Variants in DLGAP2 observed in about 807,000 individuals in gnomAD.
The protein encoded by DLGAP2 is disks large-associated protein 2.
A neutral mutation model predicts 100.3 loss-of-function variants in DLGAP2; 26 were observed. The ratio of observed to expected loss-of-function variants is 0.26; its 90% CI spans 0.19 to 0.36. The LOEUF is 0.36. Among genes scored for constraint, DLGAP2 ranks in the 10% least tolerant of loss-of-function variants. DLGAP2 has a pLI of 1.00. For synonymous variants in DLGAP2, 886 were observed against 630.1 expected (o/e 1.41, Z -6.08); for missense variants, 1,858 against 1,453.2 (o/e 1.28, Z -4.53).
At chr8:984,872 T>G (rs970656606) in intron 2 of DLGAP2, among the ~76,000 whole-genome samples, 1 of 152,208 alleles carries the variant, frequency 6.6e-6, no homozygotes, top group African/African-American at 2.4e-5. Flanking sequence ...ACCTGAATTT[T>G]TCTTTGTCTG....
At chr8:1,121,750 T>A (rs1323890076) in intron 2 of DLGAP2, among the ~76,000 whole-genome samples, 1 of 151,540 alleles carries the variant, frequency 6.6e-6, no homozygotes, top group Non-Finnish European at 1.5e-5. Flanking sequence ...CCCGTCTTCA[T>A]CTTTCCTGAA....
rs544607000 is a variant in DLGAP2, at chr8:1,318,602, C to T, written c.106+59719C>T. Among the ~76,000 whole-genome samples the T allele has an allele frequency of 1.7e-3, 260 of 151,730 alleles. 1 individual carries two copies. Among genetic ancestry groups the T allele is most frequent in the African/African-American group, 6.0e-3 (248 of 41,322 alleles). ...TATCACCTAGGGGAACAGATTCCCC[C>T]GCCGATGTCGAAAGGCAGTTCTCTC... is the stretch of plus-strand genomic sequence containing the variant. On this transcript the variant is annotated intron_variant, in intron 3 of 14. Coordinates refer to ENST00000637795, the MANE Select transcript of DLGAP2 (RefSeq NM_001346810.2).
chr8:1,569,219 A>C (rs1257987908), intron 6 of DLGAP2, among the ~76,000 whole-genome samples: 1 of 152,268 alleles, frequency 6.6e-6, no homozygotes, highest in African/African-American at 2.4e-5. Context: ...CACTTAGCAG[A>C]GATGGTGCAA....
chr8:823,747 G>C (rs1337068401), intron 1 of DLGAP2, among the ~76,000 whole-genome samples: 1 of 152,114 alleles, frequency 6.6e-6, no homozygotes, highest in Admixed American at 6.5e-5. Context: ...TGCACTTTGG[G>C]AAGTGGTCAT....
intron 2 of DLGAP2, among the ~76,000 whole-genome samples, chr8:1,228,778 C>G (rs1265315437): frequency 6.6e-6 from 1 of 152,112 alleles, no homozygotes; most frequent in Non-Finnish European, 1.5e-5. Flanking sequence ...AAGAGAAATC[C>G]TCCATCTTAA....
chr8:1,116,344 T>C (rs2129046736), intron 2 of DLGAP2, among the ~76,000 whole-genome samples: 1 of 152,288 alleles, frequency 6.6e-6, no homozygotes, highest in African/African-American at 2.4e-5. Flanking sequence ...GAGTGAGCGG[T>C]TGATGCCCGG....
chr8:1,331,565 A>G (rs970797657), intron 3 of DLGAP2, among the ~76,000 whole-genome samples: 11 of 152,182 alleles, frequency 7.2e-5, no homozygotes, highest in African/African-American at 2.7e-4. Flanking sequence ...TTTGCTGTTC[A>G]TCCACCTCGG....
At chr8:1,535,945 C>A (rs1173009068) in intron 4 of DLGAP2, among the ~76,000 whole-genome samples, 2 of 152,210 alleles carry the variant, frequency 1.3e-5, no homozygotes, top group Admixed American at 1.3e-4. Context: ...GCTCTGACAT[C>A]CCTTGCGTGG....
At chr8:1,531,477 T>A (rs1800988367) in intron 4 of DLGAP2, among the ~76,000 whole-genome samples, 1 of 152,202 alleles carries the variant, frequency 6.6e-6, no homozygotes, top group Admixed American at 6.5e-5. Context: ...TATTAATTTG[T>A]ATTTTCATGT....
rs191235194 is a variant in DLGAP2 at position 1,255,831 on chromosome 8, C to G, written c.74-3020C>G. Among the ~76,000 whole-genome samples, 106 of 123,192 alleles carry G rather than the reference C, an allele frequency of 8.6e-4. 2 individuals are homozygous for G. The highest frequency in any genetic ancestry group is 3.2e-3 in the African/African-American group (88 of 27,236). 80.8% of individuals were successfully genotyped at this position (123,192 alleles called of 152,430 possible). On this transcript the variant is annotated intron_variant, in intron 2 of 14. Transcript: ENST00000637795. ...GTGTGTGTCTTCTCCTGCCCAGGTG[C>G]TGTGTGTGTGTCCTCTCCTGCCTGG...
chr8:1,148,414 T>G (rs1362319332), intron 2 of DLGAP2, among the ~76,000 whole-genome samples: 3 of 151,666 alleles, frequency 2.0e-5, no homozygotes, highest in Non-Finnish European at 4.4e-5. Context: ...ATTTTTTGAT[T>G]TTGTTGATTT....
intron 6 of DLGAP2, among the ~76,000 whole-genome samples, chr8:1,596,031 C>T (rs1796449457): frequency 6.7e-6 from 1 of 148,620 alleles, no homozygotes; most frequent in African/African-American, 2.5e-5. Context: ...TAGCTCCCCA[C>T]CCCCCAACAG....
intron 2 of DLGAP2, among the ~76,000 whole-genome samples, chr8:1,222,211 A>G (rs958710901): frequency 1.2e-4 from 18 of 152,302 alleles, no homozygotes; most frequent in African/African-American, 4.1e-4. Flanking sequence ...GTGTGGGCTG[A>G]TGTTACTTTA....
At chr8:1,320,790 T>G (rs1422714438) in intron 3 of DLGAP2, among the ~76,000 whole-genome samples, 3 of 152,190 alleles carry the variant, frequency 2.0e-5, no homozygotes, top group Non-Finnish European at 4.4e-5. Flanking sequence ...AAGAACAGTG[T>G]TGTGACAGCC....
rs1491092605 is a variant in DLGAP2 at position 1,191,172 on chromosome 8, CAT to C, written c.74-67678_74-67677del. Among the ~76,000 whole-genome samples, 44 of 130,518 alleles carry C rather than the reference CAT, an allele frequency of 3.4e-4. 1 individual carries two copies. In the East Asian group the frequency reaches 8.4e-3, roughly 25 times the overall value. 85.6% of individuals were successfully genotyped at this position (130,518 alleles called of 152,430 possible). A position where few individuals can be genotyped will look rare whatever the true frequency, so the allele number is the denominator to read the frequency against. ...CTAAGTGTTTCAATATAAGTAGATA[CAT>C]TTTTTTTTTTTTTTTGAGACGGAAT... On this transcript the variant is annotated intron_variant, in intron 2 of 14. Transcript: ENST00000637795.
At chr8:962,655 C>A (rs1383793888) in intron 2 of DLGAP2, among the ~76,000 whole-genome samples, 1 of 152,010 alleles carries the variant, frequency 6.6e-6, no homozygotes, top group African/African-American at 2.4e-5. Flanking sequence ...TGGAGAGGCT[C>A]CGCTTGGTAT....
rs543362881 is a variant in DLGAP2 at position 1,313,605 on chromosome 8, G to GT, written c.106+54723dup. Among the ~76,000 whole-genome samples, 237 of 152,320 alleles carry GT rather than the reference G, an allele frequency of 1.6e-3. 1 individual carries two copies. Among genetic ancestry groups the GT allele is most frequent in the Non-Finnish European group, 2.8e-3 (192 of 68,034 alleles). On this transcript the variant is annotated intron_variant, in intron 3 of 14. Coordinates refer to ENST00000637795, the MANE Select transcript of DLGAP2 (RefSeq NM_001346810.2). Reference sequence around the variant, plus strand: ...CCATAACACTTCCTCAGGCCATTCAGTAACAGTCCAAAGTCAGGGGTGGAT... The same window carrying GT: ...CCATAACACTTCCTCAGGCCATTCAGTTAACAGTCCAAAGTCAGGGGTGGAT...
chr8:1,625,390 C>G lies in DLGAP2; in HGVS notation c.1443-1350C>G, dbSNP rs141571596. 2.4e-3 allele frequency among the ~76,000 whole-genome samples: 360 copies of G among 152,316 alleles called. 1 individual carries two copies. Among genetic ancestry groups the G allele is most frequent in the African/African-American group, 8.4e-3 (350 of 41,570 alleles). On this transcript the variant is annotated intron_variant, in intron 6 of 14. Transcript: ENST00000637795. ...AGCCAGACCTTTCATCGGCCAAACA[C>G]TCACAGGGTTCTTCCATGCTTTTAA...
intron 2 of DLGAP2, among the ~76,000 whole-genome samples, chr8:1,045,317 C>T (rs915326083): frequency 8.5e-5 from 13 of 152,214 alleles, no homozygotes; most frequent in Non-Finnish European, 1.6e-4. Flanking sequence ...TTCACACACA[C>T]AGTGCCCAGC....
Sources: gnomAD v4.1 joint callset for allele counts (sites outside exome capture counted in the v4.1 genomes callset) on GRCh38, gnomAD v4.1.1 for gene constraint, MANE v1.5 for transcripts, NCBI Gene and HGNC (gene_info 2026-07-23, HGNC 2026-07-21) for gene names.